The following SUMF1 variants were observed in gnomAD, a reference collection of about 807,000 sequenced individuals.
The protein encoded by SUMF1 is sulfatase modifying factor 1, also known as formylglycine-generating enzyme.
A neutral mutation model predicts 47.6 loss-of-function variants in SUMF1; 48 were observed. The ratio of observed to expected loss-of-function variants is 1.01; its 90% CI spans 0.80 to 1.28. SUMF1 has a LOEUF of 1.28. SUMF1 is among the 50% of genes most tolerant of loss of function. The pLI, the probability that SUMF1 is intolerant of heterozygous loss-of-function variation, is 0.00. For synonymous variants in SUMF1, 230 were observed against 192.1 expected (o/e 1.20, Z -1.63); for missense variants, 571 against 485.4 (o/e 1.18, Z -1.66).
Position 4,420,173 on chromosome 3 carries a change from G to A in SUMF1, c.520-27C>T, listed in dbSNP as rs143961409. ...TCAAAGCAACCCAGAACAGGCTGAT[G>A]TTAGCTACTAACATCAACTCTAGAA... On this transcript the variant is annotated intron_variant, in intron 3 of 8. Transcript: ENST00000272902. 962 of 1,584,406 alleles carry A rather than the reference G, an allele frequency of 6.1e-4. 8 individuals are homozygous for A. The East Asian group carries it at 0.016, about 27-fold the overall frequency.
intron 8 of SUMF1, among the ~76,000 whole-genome samples, chr3:4,291,040 C>T (rs1273806643): frequency 6.6e-6 from 1 of 152,144 alleles, no homozygotes. Flanking sequence ...CTGCCTACCT[C>T]ACAGGACTCT....
chr3:4,071,596 T>C (rs557072273), intron 8 of SUMF1, among the ~76,000 whole-genome samples: 4 of 152,290 alleles, frequency 2.6e-5, no homozygotes, highest in African/African-American at 7.2e-5. Flanking sequence ...TGAGACGACC[T>C]GGGATGCTGG....
intron 8 of SUMF1, among the ~76,000 whole-genome samples, chr3:4,170,029 T>C (rs1450474095): frequency 6.6e-6 from 1 of 152,162 alleles, no homozygotes; most frequent in Non-Finnish European, 1.5e-5. Flanking sequence ...GAGAATGGAA[T>C]ACAATAGGGA....
chr3:4,282,524 T>C (rs1697550658), intron 8 of SUMF1, among the ~76,000 whole-genome samples: 1 of 152,206 alleles, frequency 6.6e-6, no homozygotes, highest in South Asian at 2.1e-4. Flanking sequence ...TACTTGGTAC[T>C]GCGAGTGGGG....
At chr3:4,327,042 CAGGT>C (rs1410895003) in intron 8 of SUMF1, among the ~76,000 whole-genome samples, 1 of 152,008 alleles carries the variant, frequency 6.6e-6, no homozygotes, top group African/African-American at 2.4e-5. Context: ...CTGGAGAAAT[CAGGT>C]AGAGAAAAGG....
intron 8 of SUMF1, among the ~76,000 whole-genome samples, chr3:4,144,562 G>C (rs1028309055): frequency 6.6e-6 from 1 of 152,006 alleles, no homozygotes; most frequent in Non-Finnish European, 1.5e-5. Context: ...CTTATTATTA[G>C]GAATACAAAT....
At chr3:4,153,943 T>A (rs1485069303) in intron 8 of SUMF1, among the ~76,000 whole-genome samples, 1 of 151,650 alleles carries the variant, frequency 6.6e-6, no homozygotes, top group Non-Finnish European at 1.5e-5. Context: ...GCCTAAGGCA[T>A]CAGATCTGTT....
intron 8 of SUMF1, among the ~76,000 whole-genome samples, chr3:4,125,169 C>A (rs1379815460): frequency 1.3e-5 from 2 of 151,986 alleles, no homozygotes; most frequent in East Asian, 1.9e-4. Flanking sequence ...CTGTACAATA[C>A]AATAGCCACT....
chr3:4,348,522 T>C (rs968905308), intron 8 of SUMF1, among the ~76,000 whole-genome samples: 1 of 152,096 alleles, frequency 6.6e-6, no homozygotes, highest in African/African-American at 2.4e-5. Context: ...TGTACAAACA[T>C]TAACTCAAGA....
At chr3:4,198,050 AAGAG>A (rs72401500) in intron 8 of SUMF1, among the ~76,000 whole-genome samples, 43,628 of 141,950 alleles carry the variant, frequency 0.31, 6,806 homozygotes, top group East Asian at 0.41. Context: ...TTTTTTCGGA[AAGAG>A]AGATTCTTAT....
Position 4,453,161 on chromosome 3 carries a change from A to C in SUMF1, c.271-112T>G. 5.5e-6 allele frequency: 6 copies of C among 1,091,634 alleles called. No individual in the cohort carries two copies. In the South Asian group the frequency reaches 8.1e-5, roughly 15 times the overall value. 67.6% of individuals were successfully genotyped at this position (1,091,634 alleles called of 1,614,324 possible). ...ACGCAAGTTTGTAAATCTTCACCAC[A>C]GTAATAACTGTAAAATTCGGAAAAA... is the stretch of plus-strand genomic sequence containing the variant. On this transcript the variant is annotated intron_variant, in intron 1 of 8. Transcript: ENST00000272902.
At chr3:4,303,734 T>C in intron 8 of SUMF1, 1 of 1,495,270 alleles carries the variant, frequency 6.7e-7, no homozygotes, top group Non-Finnish European at 9.0e-7. Flanking sequence ...GTGTTGTCCT[T>C]TTCAGTCCAT....
chr3:4,400,811 CATTTT>C (rs1306328061), intron 7 of SUMF1, among the ~76,000 whole-genome samples: 2 of 152,090 alleles, frequency 1.3e-5, no homozygotes, highest in Non-Finnish European at 2.9e-5. Context: ...AGATGGAAAT[CATTTT>C]ATTTTATTTT....
intron 3 of SUMF1, among the ~76,000 whole-genome samples, chr3:4,435,667 T>C (rs546969036): frequency 6.6e-6 from 1 of 152,216 alleles, no homozygotes; most frequent in Admixed American, 6.5e-5. Flanking sequence ...CCACAATACA[T>C]GTAAGAGAAG....
At chr3:4,250,209 A>T (rs1216883923) in intron 8 of SUMF1, among the ~76,000 whole-genome samples, 1 of 150,080 alleles carries the variant, frequency 6.7e-6, no homozygotes, top group Non-Finnish European at 1.5e-5. Flanking sequence ...GAAGGGAGAG[A>T]AAAGAAAGGA....
At chr3:4,264,703 G>A (rs950246209) in intron 8 of SUMF1, among the ~76,000 whole-genome samples, 1 of 152,190 alleles carries the variant, frequency 6.6e-6, no homozygotes, top group Non-Finnish European at 1.5e-5. Context: ...TGGACTCATT[G>A]TAAATGTGAG....
At chr3:4,076,775 G>A (rs564887821) in intron 8 of SUMF1, among the ~76,000 whole-genome samples, 40 of 152,076 alleles carry the variant, frequency 2.6e-4, no homozygotes, top group Middle Eastern at 3.2e-3. Flanking sequence ...CGAGGCGGGC[G>A]GATCAGGAGG....
chr3:4,179,199 T>C (rs1695037682), intron 8 of SUMF1, among the ~76,000 whole-genome samples: 1 of 152,170 alleles, frequency 6.6e-6, no homozygotes, highest in South Asian at 2.1e-4. Context: ...AAAGTTCATA[T>C]GGATCCAAAA....
intron 8 of SUMF1, among the ~76,000 whole-genome samples, chr3:4,280,695 T>C (rs1037785930): frequency 9.2e-5 from 14 of 152,148 alleles, no homozygotes; most frequent in African/African-American, 3.4e-4. Flanking sequence ...TCAAGGTGCG[T>C]GCTGGGCTCT....
Sources: gnomAD v4.1 joint callset for allele counts (sites outside exome capture counted in the v4.1 genomes callset) on GRCh38, gnomAD v4.1.1 for gene constraint, MANE v1.5 for transcripts, NCBI Gene and HGNC (gene_info 2026-07-23, HGNC 2026-07-21) for gene names.